The following SLC24A2 variants were observed in gnomAD, a reference collection of about 807,000 sequenced individuals.
SLC24A2 encodes solute carrier family 24 member 2.
SLC24A2 carries 36 observed loss-of-function variants against 62.0 expected under a neutral mutation model. The ratio of observed to expected loss-of-function variants is 0.58; its 90% CI spans 0.44 to 0.77. The LOEUF (loss-of-function observed/expected upper bound fraction) is 0.77, where lower values mean the gene tolerates loss of function less well. SLC24A2 is among the 30% of genes least tolerant of loss of function. The probability of loss-of-function intolerance (pLI) is 0.00; values close to 1 mark genes in which losing one functional copy is unlikely to be tolerated. For synonymous variants in SLC24A2, 358 were observed against 294.0 expected, an observed-to-expected ratio of 1.22 and a Z score of -2.23; for missense variants, 846 against 817.9, an observed-to-expected ratio of 1.03 and a Z score of -0.42.
At chr9:19,893,130 T>C in the SLC24A2 span, among the ~76,000 whole-genome samples, 1 of 152,234 alleles carries the variant, frequency 6.6e-6, no homozygotes, top group African/African-American at 2.4e-5. Flanking sequence ...AAAGTCTCTA[T>C]GAATGGTATT....
the SLC24A2 span, among the ~76,000 whole-genome samples, chr9:20,263,657 C>T: frequency 2.0e-5 from 3 of 152,216 alleles, no homozygotes. Context: ...AATCACCATG[C>T]ACTACATGTT....
At chr9:19,564,671 G>A (rs937000230) in intron 7 of SLC24A2, among the ~76,000 whole-genome samples, 3 of 152,070 alleles carry the variant, frequency 2.0e-5, no homozygotes, top group African/African-American at 7.2e-5. Context: ...AAGGACAGAA[G>A]GAAATCTTAG....
chr9:20,117,506 TGAG>T, the SLC24A2 span, among the ~76,000 whole-genome samples: 3 of 152,144 alleles, frequency 2.0e-5, no homozygotes, highest in Non-Finnish European at 4.4e-5. Flanking sequence ...GGAGAAAAGA[TGAG>T]GAAGAAAATT....
chr9:20,053,900 C>T, the SLC24A2 span, among the ~76,000 whole-genome samples: 1 of 152,206 alleles, frequency 6.6e-6, no homozygotes. Context: ...ACATTAGCTG[C>T]TTTCCAATTC....
rs145811377 is a variant in SLC24A2, at chr9:19,638,155, C to T, written c.931-15856G>A. On this transcript the variant is annotated intron_variant, in intron 2 of 10. Coordinates refer to ENST00000341998, the MANE Select transcript of SLC24A2 (RefSeq NM_020344.4). Reference sequence around the variant, plus strand: ...ATACCTTGTAAAGTTGGGGGCCATACCCAGGGCTGTCTGGCTCTCATCCCT... The same window carrying T: ...ATACCTTGTAAAGTTGGGGGCCATATCCAGGGCTGTCTGGCTCTCATCCCT... 7.5e-4 allele frequency among the ~76,000 whole-genome samples: 114 copies of T among 152,252 alleles called. 2 individuals are homozygous for T. Among genetic ancestry groups the T allele is most frequent in the African/African-American group, 2.6e-3 (110 of 41,546 alleles).
rs547987941 is a variant in SLC24A2, at chr9:19,558,822, C to A, written c.1348-8554G>T. Among the ~76,000 whole-genome samples, 12 of 152,298 alleles carry A rather than the reference C, an allele frequency of 7.9e-5. No homozygotes were observed. In the South Asian group the frequency reaches 2.3e-3, roughly 29 times the overall value. On this transcript the variant is annotated intron_variant, in intron 7 of 10. Coordinates refer to ENST00000341998, the MANE Select transcript of SLC24A2 (RefSeq NM_020344.4). ...AAAATACTCTCACTGACAAAGGCGG[C>A]ATGTTTTATTTTTCCAATTAGGTTT...
At chr9:19,684,763 T>A (rs1819830092) in intron 2 of SLC24A2, among the ~76,000 whole-genome samples, 1 of 151,868 alleles carries the variant, frequency 6.6e-6, no homozygotes, top group Admixed American at 6.6e-5. Context: ...TGGTTCTTGG[T>A]TGGGTTAACA....
intron 2 of SLC24A2, among the ~76,000 whole-genome samples, chr9:19,701,018 G>T (rs1270049539): frequency 1.3e-5 from 2 of 152,118 alleles, no homozygotes; most frequent in African/African-American, 2.4e-5. Flanking sequence ...AAAAATTCAA[G>T]AGCTAAGATT....
chr9:20,137,077 G>T, the SLC24A2 span, among the ~76,000 whole-genome samples: 1 of 152,146 alleles, frequency 6.6e-6, no homozygotes, highest in South Asian at 2.1e-4. Context: ...GAGGCACATA[G>T]TAAGTATGGT....
chr9:19,869,170 G>C, the SLC24A2 span, among the ~76,000 whole-genome samples: 2 of 152,052 alleles, frequency 1.3e-5, no homozygotes, highest in South Asian at 2.1e-4. Flanking sequence ...TAGTGGAGAT[G>C]AGGTCTCCCT....
At chr9:19,906,051 T>C in the SLC24A2 span, among the ~76,000 whole-genome samples, 2 of 152,126 alleles carry the variant, frequency 1.3e-5, no homozygotes, top group Admixed American at 1.3e-4. Context: ...ACCACACCTA[T>C]TCCAAAACTG....
At chr9:19,759,703 C>G (rs1486340623) in intron 2 of SLC24A2, among the ~76,000 whole-genome samples, 3 of 152,122 alleles carry the variant, frequency 2.0e-5, no homozygotes, top group African/African-American at 7.2e-5. Context: ...ATTTGCCAGG[C>G]ACTCTTTTAG....
chr9:19,845,182 G>A, the SLC24A2 span, among the ~76,000 whole-genome samples: 1 of 151,936 alleles, frequency 6.6e-6, no homozygotes. Flanking sequence ...TGTCATCTAT[G>A]ATTTGTTTCA....
the SLC24A2 span, among the ~76,000 whole-genome samples, chr9:20,028,493 CA>C: frequency 6.6e-6 from 1 of 152,118 alleles, no homozygotes; most frequent in Non-Finnish European, 1.5e-5. Context: ...GGAAAGTGCC[CA>C]AAGTCTCATC....
At chr9:19,634,281 C>CTTTTT (rs35884916) in intron 2 of SLC24A2, among the ~76,000 whole-genome samples, 25 of 79,300 alleles carry the variant, frequency 3.2e-4, no homozygotes, top group South Asian at 5.9e-4. Flanking sequence ...ACTGCAGCCT[C>CTTTTT]TTTTTTTTTT....
At chr9:19,689,880 A>T (rs1819992476) in intron 2 of SLC24A2, among the ~76,000 whole-genome samples, 3 of 152,150 alleles carry the variant, frequency 2.0e-5, no homozygotes, top group Admixed American at 2.0e-4. Flanking sequence ...ATTAGCAATG[A>T]GTTGGCAGGC....
chr9:19,636,315 T>TTTCTTTCTTTCTTTCTTTCTTTC lies in SLC24A2; in HGVS notation c.931-14017_931-14016insGAAAGAAAGAAAGAAAGAAAGAA, dbSNP rs1554690361. 9.9e-5 allele frequency among the ~76,000 whole-genome samples: 4 copies of TTTCTTTCTTTCTTTCTTTCTTTC among 40,320 alleles called. 1 individual carries two copies. Among genetic ancestry groups the TTTCTTTCTTTCTTTCTTTCTTTC allele is most frequent in the East Asian group, 1.5e-3 (2 of 1,316 alleles). The allele number at this position is 40,320 out of a possible 152,430, so 26.5% of individuals were successfully genotyped here. A position where few individuals can be genotyped will look rare whatever the true frequency, so the allele number is the denominator to read the frequency against. ...TTTTCTTTTCTTTTCTTTTCTTTTC[T>TTTCTTTCTTTCTTTCTTTCTTTC]TTTCTTTCTTTCTTTCTTTCTTTCT... On this transcript the variant is annotated intron_variant, in intron 2 of 10. Coordinates refer to ENST00000341998, the MANE Select transcript of SLC24A2 (RefSeq NM_020344.4).
intron 7 of SLC24A2, among the ~76,000 whole-genome samples, chr9:19,570,248 T>C (rs1835799303): frequency 6.6e-6 from 1 of 152,248 alleles, no homozygotes; most frequent in Non-Finnish European, 1.5e-5. Flanking sequence ...CTATCCTCTT[T>C]CTCTCCAATC....
chr9:19,862,088 C>A, the SLC24A2 span, among the ~76,000 whole-genome samples: 13 of 152,044 alleles, frequency 8.6e-5, no homozygotes, highest in African/African-American at 3.1e-4. Context: ...TATCCAAGTA[C>A]AGGAAGGCAA....
Sources: allele counts gnomAD v4.1 joint callset (sites outside exome capture counted in the v4.1 genomes callset), GRCh38; gene constraint gnomAD v4.1.1; transcripts MANE v1.5; gene names NCBI Gene and HGNC (gene_info 2026-07-23, HGNC 2026-07-21).